The following PALM2AKAP2 variants were observed in gnomAD, a reference collection of about 807,000 sequenced individuals.
PALM2AKAP2 encodes PALM2-AKAP2 fusion protein.
PALM2AKAP2 carries 37 observed loss-of-function variants against 71.5 expected under a neutral mutation model. That is an observed-to-expected ratio of 0.52 (90% CI 0.40 to 0.68). The LOEUF (loss-of-function observed/expected upper bound fraction) is 0.68. Ranked by LOEUF, PALM2AKAP2 falls within the 30% of genes least tolerant of loss-of-function variation. The pLI is 0.00. For synonymous variants in PALM2AKAP2, 468 were observed against 478.8 expected (o/e 0.98, Z 0.29); for missense variants, 1,224 against 1,191.8 (o/e 1.03, Z -0.40).
intron 1 of PALM2AKAP2, among the ~76,000 whole-genome samples, chr9:109,663,570 G>C (rs1827434118): frequency 6.6e-6 from 1 of 152,274 alleles, no homozygotes; most frequent in Non-Finnish European, 1.5e-5. Context: ...TGTGATTTCT[G>C]TTCTTTTACA....
chr9:109,879,364 G>C (rs1829792811), intron 2 of PALM2AKAP2, among the ~76,000 whole-genome samples: 1 of 152,192 alleles, frequency 6.6e-6, no homozygotes, highest in African/African-American at 2.4e-5. Flanking sequence ...GGGAAGAATT[G>C]TTCATGTGCC....
intron 1 of PALM2AKAP2, among the ~76,000 whole-genome samples, chr9:110,086,238 G>T (rs914028869): frequency 2.0e-5 from 3 of 152,064 alleles, no homozygotes; most frequent in Non-Finnish European, 4.4e-5. Context: ...CTATGTGCTT[G>T]CTATTTGCAT....
intron 1 of PALM2AKAP2, among the ~76,000 whole-genome samples, chr9:109,853,223 C>T (rs942269944): frequency 3.1e-4 from 47 of 152,198 alleles, no homozygotes; most frequent in African/African-American, 8.7e-4. Context: ...CTCAGAACTG[C>T]GCGTGGCACC....
At chr9:109,953,166 A>G (rs1014955983) in intron 6 of PALM2AKAP2, among the ~76,000 whole-genome samples, 2 of 152,240 alleles carry the variant, frequency 1.3e-5, no homozygotes, top group African/African-American at 4.8e-5. Flanking sequence ...CATATAGTTC[A>G]ACCTCATAAT....
chr9:110,083,703 A>G (rs1022223425), intron 1 of PALM2AKAP2, among the ~76,000 whole-genome samples: 3 of 152,226 alleles, frequency 2.0e-5, no homozygotes, highest in Non-Finnish European at 4.4e-5. Flanking sequence ...ATCACATACA[A>G]AGAGTCAAGA....
intron 1 of PALM2AKAP2, among the ~76,000 whole-genome samples, chr9:109,851,452 A>G (rs1190938620): frequency 1.3e-5 from 2 of 152,190 alleles, no homozygotes; most frequent in African/African-American, 2.4e-5. Context: ...TAATGGGGTC[A>G]GGGCACCACT....
At chr9:110,048,844 G>C in exon 1 of PALM2AKAP2, 1 of 1,526,850 alleles carries the variant, frequency 6.5e-7, no homozygotes, top group Non-Finnish European at 8.7e-7. Context: ...CCCCGGGAGC[G>C]GGCGCCCAGA....
intron 7 of PALM2AKAP2, among the ~76,000 whole-genome samples, chr9:110,040,824 C>T (rs754055981): frequency 2.6e-5 from 4 of 152,210 alleles, no homozygotes; most frequent in Non-Finnish European, 5.9e-5. Flanking sequence ...TTCTGGGACT[C>T]CACACTATTG....
At chr9:109,836,199 G>C (rs1828471132) in intron 1 of PALM2AKAP2, among the ~76,000 whole-genome samples, 1 of 152,204 alleles carries the variant, frequency 6.6e-6, no homozygotes, top group Non-Finnish European at 1.5e-5. Flanking sequence ...GGAATGATCA[G>C]GCAGCAACAT....
chr9:110,101,688 G>A (rs1835005090), intron 1 of PALM2AKAP2, among the ~76,000 whole-genome samples: 1 of 152,210 alleles, frequency 6.6e-6, no homozygotes, highest in South Asian at 2.1e-4. Context: ...GGCCTCTCTG[G>A]AGGGGAAACA....
intron 1 of PALM2AKAP2, among the ~76,000 whole-genome samples, chr9:110,116,905 C>G (rs1356795619): frequency 6.6e-6 from 1 of 152,162 alleles, no homozygotes; most frequent in African/African-American, 2.4e-5. Flanking sequence ...AAAGACCTCA[C>G]TTTTTAATAT....
chr9:109,800,494 C>T (rs13289931), intron 1 of PALM2AKAP2, among the ~76,000 whole-genome samples: 1 of 152,164 alleles, frequency 6.6e-6, no homozygotes, highest in Non-Finnish European at 1.5e-5. Context: ...CAAATGACCC[C>T]TCCGGGTTTG....
intron 1 of PALM2AKAP2, among the ~76,000 whole-genome samples, chr9:109,796,283 T>A (rs1417040195): frequency 6.6e-6 from 1 of 152,252 alleles, no homozygotes; most frequent in East Asian, 1.9e-4. Flanking sequence ...TTGATTGATG[T>A]ACAGTCAGCA....
chr9:110,014,922 C>T (rs1055028032), intron 6 of PALM2AKAP2, among the ~76,000 whole-genome samples: 12 of 143,214 alleles, frequency 8.4e-5, no homozygotes, highest in Non-Finnish European at 1.7e-4. Flanking sequence ...ACTCTATTCA[C>T]GTACATAACT....
At chr9:110,140,682 C>T (rs1228680104) in intron 2 of PALM2AKAP2, among the ~76,000 whole-genome samples, 1 of 152,088 alleles carries the variant, frequency 6.6e-6, no homozygotes, top group Non-Finnish European at 1.5e-5. Context: ...TTTAACTAGC[C>T]CTCCTTCCCC....
intron 2 of PALM2AKAP2, chr9:110,148,476 C>A (rs1836231709): frequency 6.6e-6 from 1 of 152,220 alleles, no homozygotes; most frequent in South Asian, 2.1e-4. Flanking sequence ...GAAGAAGGGA[C>A]CAGCTCTTGG....
intron 1 of PALM2AKAP2, chr9:109,867,162 C>CTGTG (rs747500773): frequency 1.6e-5 from 6 of 381,338 alleles, no homozygotes; most frequent in East Asian, 8.1e-5. Context: ...GAACATGGTT[C>CTGTG]TCTGTGTGTG....
exon 2 of PALM2AKAP2, chr9:110,136,371 T>C: frequency 1.9e-6 from 3 of 1,614,152 alleles, no homozygotes; most frequent in Non-Finnish European, 2.5e-6. Flanking sequence ...CACGAATCCC[T>C]GGATAATGAT....
chr9:109,816,387 G>T (rs1827852724), intron 1 of PALM2AKAP2, among the ~76,000 whole-genome samples: 1 of 152,190 alleles, frequency 6.6e-6, no homozygotes, highest in African/African-American at 2.4e-5. Context: ...TGATGGACTG[G>T]GATAAGATAG....
Sources: allele counts gnomAD v4.1 joint callset (sites outside exome capture counted in the v4.1 genomes callset), GRCh38; gene constraint gnomAD v4.1.1; transcripts MANE v1.5; gene names NCBI Gene and HGNC (gene_info 2026-07-23, HGNC 2026-07-21).